Variants in FCHO2 observed in about 807,000 individuals in gnomAD.
FCHO2 encodes FCH and mu domain containing endocytic adaptor 2.
In FCHO2, 43 loss-of-function variants were observed where a neutral mutation model predicts 114.1. The ratio of observed to expected loss-of-function variants is 0.38; its 90% confidence interval spans 0.30 to 0.49. The LOEUF (loss-of-function observed/expected upper bound fraction) is 0.49. FCHO2 is among the 20% of genes least tolerant of loss of function. The pLI, the probability that FCHO2 is intolerant of heterozygous loss-of-function variation, is 0.97. For synonymous variants in FCHO2, 293 were observed against 315.2 expected (o/e 0.93, Z 0.75); for missense variants, 807 against 950.4 (o/e 0.85, Z 1.98).
intron 2 of FCHO2, among the ~76,000 whole-genome samples, chr5:72,972,391 T>C (rs1752606937): frequency 6.6e-6 from 1 of 152,138 alleles, no homozygotes; most frequent in South Asian, 2.1e-4. Context: ...CAGTGGTTTG[T>C]AGTTCTCCTT....
At chr5:72,998,504 T>C (rs1457085145) in intron 5 of FCHO2, among the ~76,000 whole-genome samples, 1 of 151,106 alleles carries the variant, frequency 6.6e-6, no homozygotes, top group Non-Finnish European at 1.5e-5. Flanking sequence ...AAAAAAAAAA[T>C]GTAAGTCACA....
Position 73,009,286 on chromosome 5 carries a change from GTTA to G in FCHO2, c.600+2740_600+2742del, listed in dbSNP as rs1278062771. On this transcript the variant is annotated intron_variant, in intron 6 of 25. Coordinates refer to ENST00000430046, the MANE Select transcript of FCHO2 (RefSeq NM_138782.3). ...ATTAGGAGCACACATTTATAAGGGA[GTTA>G]TTGTTGATATGTTAATTTCACATTA... is the stretch of plus-strand genomic sequence containing the variant. 2.0e-5 allele frequency among the ~76,000 whole-genome samples: 3 copies of G among 152,280 alleles called. No individual in the cohort carries two copies. The South Asian group carries it at 6.2e-4, about 32-fold the overall frequency.
chr5:73,070,445 A>G (rs1235106544), intron 19 of FCHO2, among the ~76,000 whole-genome samples: 1 of 151,150 alleles, frequency 6.6e-6, no homozygotes, highest in East Asian at 1.9e-4. Flanking sequence ...CTTCATTTTT[A>G]TTTTTTGTTT....
chr5:73,076,288 C>T (rs561477386), intron 20 of FCHO2, among the ~76,000 whole-genome samples: 6 of 151,776 alleles, frequency 4.0e-5, no homozygotes, highest in East Asian at 3.9e-4. Context: ...GTTCAGGAGC[C>T]GAAGGTGATG....
intron 2 of FCHO2, among the ~76,000 whole-genome samples, chr5:72,975,454 G>A (rs1252092540): frequency 6.6e-6 from 1 of 152,076 alleles, no homozygotes; most frequent in Non-Finnish European, 1.5e-5. Flanking sequence ...AGCCTCCCAA[G>A]TAGCTGGGAT....
intron 8 of FCHO2, among the ~76,000 whole-genome samples, chr5:73,025,695 G>A (rs1160595520): frequency 2.0e-5 from 3 of 151,964 alleles, no homozygotes; most frequent in Non-Finnish European, 4.4e-5. Flanking sequence ...GTATGTTTTT[G>A]ATCAGTTTAT....
At chr5:72,972,931 A>G (rs1011659019) in intron 2 of FCHO2, among the ~76,000 whole-genome samples, 14 of 152,164 alleles carry the variant, frequency 9.2e-5, no homozygotes, top group African/African-American at 3.4e-4. Context: ...AATTTTGTCA[A>G]AGGCCTTTTC....
intron 20 of FCHO2, among the ~76,000 whole-genome samples, chr5:73,075,451 AG>A (rs1197827420): frequency 1.3e-5 from 2 of 152,190 alleles, no homozygotes; most frequent in African/African-American, 4.8e-5. Context: ...GTCACTGAGT[AG>A]GAGTAAACAG....
chr5:73,080,596 C>T (rs1743061984), intron 22 of FCHO2, among the ~76,000 whole-genome samples: 1 of 152,018 alleles, frequency 6.6e-6, no homozygotes. Context: ...TGCCAGGATT[C>T]CAAGGGATAA....
chr5:73,020,874 C>T (rs1755579404), intron 8 of FCHO2: 1 of 1,032,370 alleles, frequency 9.7e-7, no homozygotes, highest in Non-Finnish European at 1.5e-6. Context: ...AGTGTAGCAC[C>T]TGTATCAGCT....
At chr5:72,965,455 A>G (rs1752150565) in intron 1 of FCHO2, among the ~76,000 whole-genome samples, 1 of 152,234 alleles carries the variant, frequency 6.6e-6, no homozygotes, top group Non-Finnish European at 1.5e-5. Context: ...ATACTGATAG[A>G]CTTGCTTGAC....
chr5:72,963,025 C>T (rs565917146), intron 1 of FCHO2, among the ~76,000 whole-genome samples: 6 of 152,070 alleles, frequency 3.9e-5, no homozygotes, highest in Non-Finnish European at 7.4e-5. Context: ...ATGATATCTA[C>T]TATATTGATA....
At position 72,987,363 on chromosome 5, in the gene FCHO2, G is replaced by GT. The variant is rs572153902; in HGVS notation, c.126-2061dup. ...TGTTTATTTATTTATTTGAGACAGA[G>GT]TTTCGCTCTTGTTGCCCAGGCTGGA... On this transcript the variant is annotated intron_variant, in intron 2 of 25. Coordinates refer to ENST00000430046, the MANE Select transcript of FCHO2 (RefSeq NM_138782.3). 4.8e-3 allele frequency among the ~76,000 whole-genome samples: 727 copies of GT among 152,152 alleles called. 5 individuals are homozygous for GT. The highest frequency in any genetic ancestry group is 0.017 in the African/African-American group (693 of 41,504).
chr5:73,087,879 A>G, intron 25 of FCHO2, 126 bp downstream of exon 25: 1 of 1,418,426 alleles, frequency 7.1e-7, no homozygotes, highest in Middle Eastern at 1.8e-4. Context: ...CCCTTGGTAC[A>G]AGGTGCCAGG....
chr5:72,985,200 A>G (rs1753443297), intron 2 of FCHO2, among the ~76,000 whole-genome samples: 1 of 151,604 alleles, frequency 6.6e-6, no homozygotes, highest in African/African-American at 2.4e-5. Flanking sequence ...TCACTCTGTC[A>G]CCCAGGCTGG....
chr5:72,979,517 G>A (rs1288906811), intron 2 of FCHO2, among the ~76,000 whole-genome samples: 6 of 140,486 alleles, frequency 4.3e-5, no homozygotes, highest in African/African-American at 1.3e-4. Flanking sequence ...TCAGCCTCCC[G>A]AGTAGCTGGG....
rs186842969 is a variant in FCHO2, at chr5:73,012,330, T to C, written c.601-3296T>C. Reference sequence around the variant, plus strand: ...TGGCTCATGACTATACTTTTAAAAATTAATGTAACAGGCTGGGTTTGGTGG... The same window carrying C: ...TGGCTCATGACTATACTTTTAAAAACTAATGTAACAGGCTGGGTTTGGTGG... On this transcript the variant is annotated intron_variant, in intron 6 of 25. Coordinates refer to ENST00000430046, the MANE Select transcript of FCHO2 (RefSeq NM_138782.3). Among the ~76,000 whole-genome samples the C allele has an allele frequency of 1.1e-4, 16 of 152,084 alleles. 1 individual carries two copies. The East Asian group carries it at 2.7e-3, about 26-fold the overall frequency.
At chr5:73,075,656 C>T (rs1269420725) in intron 20 of FCHO2, among the ~76,000 whole-genome samples, 6 of 151,944 alleles carry the variant, frequency 3.9e-5, no homozygotes, top group East Asian at 1.9e-4. Flanking sequence ...GCAGAGGGTG[C>T]GGTGGGCAGT....
intron 3 of FCHO2, 55 bp from the exon 4 acceptor site, chr5:72,990,423 C>T: frequency 7.3e-7 from 1 of 1,368,572 alleles, no homozygotes; most frequent in South Asian, 1.5e-5. Flanking sequence ...TTGTTAGAAC[C>T]TTAATTTTCT....
Sources: gnomAD v4.1 joint callset for allele counts (sites outside exome capture counted in the v4.1 genomes callset) on GRCh38, gnomAD v4.1.1 for gene constraint, MANE v1.5 for transcripts, NCBI Gene and HGNC (gene_info 2026-07-23, HGNC 2026-07-21) for gene names.